Variants in NTM observed in about 807,000 individuals in gnomAD.
The protein encoded by NTM is neurotrimin, also known as IgLON family member 2.
Under a neutral mutation model 42.1 loss-of-function variants are expected in NTM, and 13 were observed. That is an observed-to-expected ratio of 0.31 (90% CI 0.20 to 0.49). The LOEUF (loss-of-function observed/expected upper bound fraction) is 0.49, where lower values mean the gene tolerates loss of function less well. NTM is among the 20% of genes least tolerant of loss of function. NTM has a pLI of 0.99. For missense variants in NTM, 373 were observed against 452.8 expected (o/e 0.82, Z 1.60); for synonymous variants, 187 against 179.2 (o/e 1.04, Z -0.35).
chr11:132,181,581 T>C (rs2077576800), intron 3 of NTM, among the ~76,000 whole-genome samples: 2 of 152,250 alleles, frequency 1.3e-5, no homozygotes, highest in Non-Finnish European at 2.9e-5. Context: ...ATATGTTGTA[T>C]AACTCATGGA....
intron 1 of NTM, among the ~76,000 whole-genome samples, chr11:131,908,674 AGAC>A (rs1032177341): frequency 5.3e-5 from 8 of 152,220 alleles, no homozygotes; most frequent in Admixed American, 5.2e-4. Context: ...TGACTTGTGG[AGAC>A]GAAGCCCAAA....
At chr11:131,774,212 C>A (rs1048660784) in intron 1 of NTM, 2 of 689,376 alleles carry the variant, frequency 2.9e-6, no homozygotes, top group Admixed American at 1.3e-4. Flanking sequence ...GCTTCTTACC[C>A]CTCAGGCACT....
intron 1 of NTM, among the ~76,000 whole-genome samples, chr11:131,805,910 A>G (rs1311373997): frequency 6.6e-6 from 1 of 152,234 alleles, no homozygotes; most frequent in African/African-American, 2.4e-5. Context: ...GCACAAAATT[A>G]AACATGATGT....
chr11:132,235,372 G>A (rs933861572), intron 4 of NTM, among the ~76,000 whole-genome samples: 1 of 152,078 alleles, frequency 6.6e-6, no homozygotes, highest in Non-Finnish European at 1.5e-5. Flanking sequence ...GTATGCATGT[G>A]TGTGTCCAGT....
At chr11:132,224,333 G>T (rs2085758006) in intron 4 of NTM, among the ~76,000 whole-genome samples, 1 of 152,148 alleles carries the variant, frequency 6.6e-6, no homozygotes, top group Non-Finnish European at 1.5e-5. Flanking sequence ...TATGTTGTGG[G>T]TGTTCCAGAG....
chr11:132,181,017 T>C (rs1004028854), intron 3 of NTM, among the ~76,000 whole-genome samples: 2 of 152,178 alleles, frequency 1.3e-5, no homozygotes, highest in Admixed American at 6.5e-5. Flanking sequence ...GAATAAGTTA[T>C]ACAAGTAAGA....
At chr11:132,208,004 T>C (rs1275137680) in intron 3 of NTM, among the ~76,000 whole-genome samples, 2 of 152,196 alleles carry the variant, frequency 1.3e-5, no homozygotes, top group Non-Finnish European at 2.9e-5. Flanking sequence ...TCTCTAATGC[T>C]TGGCACAATG....
chr11:131,389,717 C>T (rs1391653256), intron 1 of NTM, among the ~76,000 whole-genome samples: 4 of 152,048 alleles, frequency 2.6e-5, no homozygotes, highest in Non-Finnish European at 4.4e-5. Context: ...AAATAGCAAC[C>T]CAGAGACTGT....
intron 2 of NTM, among the ~76,000 whole-genome samples, chr11:131,983,209 A>G (rs1041308488): frequency 3.3e-5 from 5 of 152,210 alleles, no homozygotes; most frequent in East Asian, 1.9e-4. Context: ...TGTACCTTCA[A>G]TCCTCAAATG....
chr11:131,836,216 CTTAAAA>C lies in NTM; in HGVS notation c.83-75343_83-75338del, dbSNP rs893773270. Among the ~76,000 whole-genome samples the C allele has an allele frequency of 4.0e-4, 61 of 152,252 alleles. No individual in the cohort carries two copies. In the Middle Eastern group the frequency reaches 0.01, roughly 25 times the overall value. The stretch of plus-strand genomic sequence containing the variant: ...TATGTAATGTTTCAACAAAACTTTT[CTTAAAA>C]TTAAGTTATGTACCACCTTATATTT... On this transcript the variant is annotated intron_variant, in intron 1 of 8. Transcript: ENST00000683400.
chr11:131,811,831 C>T (rs1401501812), intron 1 of NTM, among the ~76,000 whole-genome samples: 1 of 152,212 alleles, frequency 6.6e-6, no homozygotes, highest in East Asian at 1.9e-4. Flanking sequence ...TAAAATACAG[C>T]TGCGGCAGCA....
chr11:132,007,864 T>G (rs1272021287), intron 2 of NTM, among the ~76,000 whole-genome samples: 2 of 152,024 alleles, frequency 1.3e-5, no homozygotes, highest in Non-Finnish European at 2.9e-5. Context: ...GAGGATGAAT[T>G]TTTTGCCTAG....
intron 1 of NTM, among the ~76,000 whole-genome samples, chr11:131,729,401 A>C (rs2079357215): frequency 6.6e-6 from 1 of 152,188 alleles, no homozygotes; most frequent in African/African-American, 2.4e-5. Context: ...AAAACAAGTT[A>C]ATTTTCACAG....
chr11:132,159,678 C>G (rs1042681162), intron 3 of NTM, among the ~76,000 whole-genome samples: 3 of 152,138 alleles, frequency 2.0e-5, no homozygotes, highest in African/African-American at 7.2e-5. Context: ...ACCACTCATT[C>G]CTGCTGCCTG....
chr11:131,504,563 G>T (rs563041681), intron 1 of NTM, among the ~76,000 whole-genome samples: 43 of 152,232 alleles, frequency 2.8e-4, no homozygotes, highest in African/African-American at 9.1e-4. Context: ...TTCACACAGC[G>T]CTGGGGTTCT....
chr11:131,583,775 G>A (rs2058620446), intron 1 of NTM, among the ~76,000 whole-genome samples: 1 of 152,128 alleles, frequency 6.6e-6, no homozygotes, highest in African/African-American at 2.4e-5. Context: ...ATCACAAACT[G>A]GGGCCAAGGA....
chr11:131,798,291 T>C (rs2091793645), intron 1 of NTM, among the ~76,000 whole-genome samples: 1 of 152,348 alleles, frequency 6.6e-6, no homozygotes, highest in East Asian at 1.9e-4. Context: ...ATTGTTATCA[T>C]GGACGTAGCC....
At chr11:131,624,017 A>T (rs944276303) in intron 1 of NTM, among the ~76,000 whole-genome samples, 1 of 152,174 alleles carries the variant, frequency 6.6e-6, no homozygotes, top group Non-Finnish European at 1.5e-5. Context: ...TTTCTGTGAA[A>T]GACAGTGATG....
At chr11:131,966,744 T>C (rs1484627055) in intron 2 of NTM, among the ~76,000 whole-genome samples, 1 of 152,112 alleles carries the variant, frequency 6.6e-6, no homozygotes, top group East Asian at 1.9e-4. Context: ...CCTCTCACCA[T>C]GACAGAAACA....
Sources: allele counts gnomAD v4.1 joint callset (sites outside exome capture counted in the v4.1 genomes callset), GRCh38; gene constraint gnomAD v4.1.1; transcripts MANE v1.5; gene names NCBI Gene and HGNC (gene_info 2026-07-23, HGNC 2026-07-21).